NFIB: variants seen among roughly 807,000 people sequenced by gnomAD.
NFIB encodes the protein nuclear factor I B.
Under a neutral mutation model 61.5 loss-of-function variants are expected in NFIB, and 11 were observed. That is an observed-to-expected ratio of 0.18 (90% confidence interval 0.11 to 0.30). The LOEUF (loss-of-function observed/expected upper bound fraction) is 0.30, where lower values mean the gene tolerates loss of function less well. NFIB is among the 10% of genes least tolerant of loss of function. The pLI is 1.00. For missense variants in NFIB, 471 were observed against 608.9 expected, an observed-to-expected ratio of 0.77 and a Z score of 2.38; for synonymous variants, 260 against 216.5, an observed-to-expected ratio of 1.20 and a Z score of -1.76.
chr9:14,331,605 A>T (rs2060821374), intron 1 of NFIB, among the ~76,000 whole-genome samples: 1 of 152,238 alleles, frequency 6.6e-6, no homozygotes, highest in South Asian at 2.1e-4. Context: ...CAATGTAAGA[A>T]GGTTATATTC....
the NFIB span, among the ~76,000 whole-genome samples, chr9:14,500,638 T>TA: frequency 5.9e-5 from 9 of 152,164 alleles, no homozygotes. Flanking sequence ...CCAGTCCCGG[T>TA]AAAAGCAAAC....
chr9:14,084,352 G>A lies in NFIB; in HGVS notation c.*3957C>T. 1 of 219,414 alleles carries A rather than the reference G, an allele frequency of 4.6e-6. No homozygotes were observed. The highest frequency in any genetic ancestry group is 9.2e-6 in the Non-Finnish European group (1 of 109,114). The allele number at this position is 219,414 out of a possible 1,614,324, so 13.6% of individuals were successfully genotyped here. A position where few individuals can be genotyped will look rare whatever the true frequency, so the allele number is the denominator to read the frequency against. ...GTACAAATTACTGTCTACAAGGTAG[G>A]CGGTTCATTAAGAAGACCTTTCGCT... On this transcript the variant is annotated 3_prime_UTR_variant, in exon 11 of 11. Coordinates refer to ENST00000380953, the MANE Select transcript of NFIB (RefSeq NM_001190737.2).
At chr9:14,199,914 A>G (rs187107859) in intron 2 of NFIB, among the ~76,000 whole-genome samples, 2 of 152,320 alleles carry the variant, frequency 1.3e-5, no homozygotes, top group Admixed American at 1.3e-4. Context: ...TGTATGTACT[A>G]GCATAAAATC....
the NFIB span, among the ~76,000 whole-genome samples, chr9:14,507,995 T>C: frequency 0.22 from 12,854 of 59,638 alleles, 1,183 homozygotes; most frequent in African/African-American, 0.4. Context: ...CACACACACA[T>C]ATATATATAT....
chr9:14,088,866 C>T (rs1239613823), intron 10 of NFIB, among the ~76,000 whole-genome samples: 1 of 152,128 alleles, frequency 6.6e-6, no homozygotes. Context: ...AAAAAAACTA[C>T]ATGTTTAAGG....
intron 1 of NFIB, among the ~76,000 whole-genome samples, chr9:14,367,665 G>T (rs1245195021): frequency 6.6e-6 from 1 of 152,134 alleles, no homozygotes; most frequent in Non-Finnish European, 1.5e-5. Flanking sequence ...TAAAGAAAAT[G>T]TGGCACATAT....
At chr9:14,140,712 T>A (rs1442479960) in intron 6 of NFIB, among the ~76,000 whole-genome samples, 1 of 152,094 alleles carries the variant, frequency 6.6e-6, no homozygotes, top group Non-Finnish European at 1.5e-5. Context: ...GGTAGGAGGA[T>A]CAGTTGAGCC....
intron 10 of NFIB, among the ~76,000 whole-genome samples, chr9:14,109,263 T>C (rs1324975959): frequency 6.6e-6 from 1 of 152,108 alleles, no homozygotes; most frequent in Non-Finnish European, 1.5e-5. Context: ...ATAGTTCCCA[T>C]TTTCTCAGGG....
At position 14,232,458 on chromosome 9, in the gene NFIB, T is replaced by C. The variant is rs571712313; in HGVS notation, c.563-52678A>G. On this transcript the variant is annotated intron_variant, in intron 2 of 10. Transcript: ENST00000380953. ...AATCATTTGCCACCAGGAAAGAAGATACTCAGCTACTGACACACCACCTAC... is the reference window on the plus strand; with the variant it reads ...AATCATTTGCCACCAGGAAAGAAGACACTCAGCTACTGACACACCACCTAC... Among the ~76,000 whole-genome samples the C allele has an allele frequency of 3.9e-5, 6 of 152,256 alleles. No homozygotes were observed. The South Asian group carries it at 1.2e-3, about 32-fold the overall frequency.
intron 2 of NFIB, among the ~76,000 whole-genome samples, chr9:14,201,716 G>A (rs2049053347): frequency 6.6e-6 from 1 of 151,762 alleles, no homozygotes; most frequent in Non-Finnish European, 1.5e-5. Context: ...CTATTTAAAT[G>A]GCATACAAAT....
At chr9:14,438,033 C>CGT in the NFIB span, among the ~76,000 whole-genome samples, 1 of 139,964 alleles carries the variant, frequency 7.1e-6, no homozygotes, top group Non-Finnish European at 1.6e-5. Flanking sequence ...TGTGTGTGCG[C>CGT]GTATGTGCGT....
chr9:14,092,325 A>T (rs1365737970), intron 10 of NFIB, among the ~76,000 whole-genome samples: 1 of 152,068 alleles, frequency 6.6e-6, no homozygotes, highest in Non-Finnish European at 1.5e-5. Context: ...TGAGGACTTA[A>T]CTATAAGCAT....
At chr9:14,110,396 A>G (rs563694667) in intron 10 of NFIB, among the ~76,000 whole-genome samples, 1 of 152,228 alleles carries the variant, frequency 6.6e-6, no homozygotes, top group African/African-American at 2.4e-5. Context: ...AGGATCATGT[A>G]TATTAAAGGC....
At chr9:14,349,211 G>C (rs2061074465) in intron 1 of NFIB, among the ~76,000 whole-genome samples, 1 of 152,208 alleles carries the variant, frequency 6.6e-6, no homozygotes, top group Admixed American at 6.5e-5. Flanking sequence ...GAGAATTTTT[G>C]GAAGCTAGCG....
intron 2 of NFIB, among the ~76,000 whole-genome samples, chr9:14,271,409 C>G (rs376457276): frequency 1.3e-5 from 2 of 152,080 alleles, no homozygotes; most frequent in African/African-American, 2.4e-5. Context: ...AAAAACTGTG[C>G]AGCTATTAGC....
At chr9:14,354,467 C>G (rs149505287) in intron 1 of NFIB, among the ~76,000 whole-genome samples, 144 of 152,266 alleles carry the variant, frequency 9.5e-4, no homozygotes, top group African/African-American at 3.1e-3. Flanking sequence ...AAAATCTTCC[C>G]CAGAATTAGC....
intron 7 of NFIB, 150 bp downstream of exon 7, chr9:14,125,482 A>G: frequency 8.5e-7 from 1 of 1,169,916 alleles, no homozygotes; most frequent in Non-Finnish European, 1.2e-6. Context: ...ATTGAGAAGA[A>G]AAAATACTTG....
the NFIB span, among the ~76,000 whole-genome samples, chr9:14,528,928 T>C: frequency 2.7e-4 from 41 of 152,246 alleles, no homozygotes; most frequent in African/African-American, 9.6e-4. Context: ...ATGTGAAAGG[T>C]CATCAACAGA....
Position 14,083,139 on chromosome 9 carries a change from G to C in NFIB, c.*5170C>G, listed in dbSNP as rs1001938131. 1.9e-5 allele frequency: 4 copies of C among 212,384 alleles called. No individual in the cohort carries two copies. Among genetic ancestry groups the C allele is most frequent in the East Asian group, 1.4e-4 (2 of 14,580 alleles). 13.2% of individuals were successfully genotyped at this position (212,384 alleles called of 1,614,324 possible). A position where few individuals can be genotyped will look rare whatever the true frequency, so the allele number is the denominator to read the frequency against. Reference sequence around the variant, plus strand: ...ACTTACAACCATTGAAGAAAAAATTGCAACAAAAAATGTAAAAATTGACCG... The same window carrying C: ...ACTTACAACCATTGAAGAAAAAATTCCAACAAAAAATGTAAAAATTGACCG... On this transcript the variant is annotated 3_prime_UTR_variant, in exon 11 of 11. Coordinates refer to ENST00000380953, the MANE Select transcript of NFIB (RefSeq NM_001190737.2).
Sources: gnomAD v4.1 joint callset for allele counts (sites outside exome capture counted in the v4.1 genomes callset) on GRCh38, gnomAD v4.1.1 for gene constraint, MANE v1.5 for transcripts, NCBI Gene and HGNC (gene_info 2026-07-23, HGNC 2026-07-21) for gene names.